The following GPR137 variants were observed in gnomAD, a reference collection of about 807,000 sequenced individuals.
The protein encoded by GPR137 is G protein-coupled receptor 137.
In GPR137, 20 loss-of-function variants were observed where a neutral mutation model predicts 38.9. That is an observed-to-expected ratio of 0.51 (90% confidence interval 0.36 to 0.75). GPR137 has a LOEUF of 0.75. Ranked by LOEUF, GPR137 falls within the 30% of genes least tolerant of loss-of-function variation. GPR137 has a pLI of 0.00. For missense variants in GPR137, 456 were observed against 526.4 expected (o/e 0.87, Z 1.31); for synonymous variants, 226 against 235.8 (o/e 0.96, Z 0.38).
At chr11:64,282,482 C>T (rs935462680), upstream of GPR137, among the ~76,000 whole-genome samples, 7 of 152,154 alleles carry the variant, frequency 4.6e-5, no homozygotes, top group African/African-American at 1.7e-4. Flanking sequence ...CACCTGTGGT[C>T]CCAGCTGTTC....
At chr11:64,279,046 C>T (rs867194091) in intron 2 of GPR137, among the ~76,000 whole-genome samples, 1 of 152,174 alleles carries the variant, frequency 6.6e-6, no homozygotes, top group East Asian at 1.9e-4. Flanking sequence ...GGGGAGGTGT[C>T]GTCCCTGGCC....
At chr11:64,282,519 G>C (rs2033545625), upstream of GPR137, among the ~76,000 whole-genome samples, 1 of 152,060 alleles carries the variant, frequency 6.6e-6, no homozygotes, top group South Asian at 2.1e-4. Context: ...AGGATCGTTT[G>C]AGCCCAGGAG....
At position 64,288,047 on chromosome 11, in the gene GPR137, T is replaced by G; in HGVS notation, c.634-18T>G. 1 of 1,608,416 alleles carries G rather than the reference T, an allele frequency of 6.2e-7. No homozygotes were observed. The highest frequency in any genetic ancestry group is 8.5e-7 in the Non-Finnish European group (1 of 1,179,944). On this transcript the variant is annotated intron_variant, in intron 3 of 6. Transcript: ENST00000438980. This position sits in a 1 kb window ranked among gnomAD's most constrained non-coding sequence, Gnocchi z 5.5. The stretch of plus-strand genomic sequence containing the variant: ...GAGCCTTCTCTCCCTGAGGGTCCTC[T>G]GTTGTTACCTGTGCCAGGGGACCAG...
At position 64,286,562 on chromosome 11, in the gene GPR137, G is replaced by C. The variant is rs1460269993; in HGVS notation, c.38G>C (p.Gly13Ala). The part of the protein sequence containing the change: ...SNLSGLVPAA[G>A]LVPALPPAVT... ...CTGTCTGGCCTGGTGCCTGCTGCCG[G>C]GCTGGTGCCTGCGCTGCCACCTGCT... The change falls in exon 1 of 7, where the codon GGG becomes GCG. Residue 13 changes from glycine (G) to alanine (A), a missense_variant. Coordinates refer to ENST00000438980, the MANE Select transcript of GPR137 (RefSeq NM_001170880.2). 6.2e-7 allele frequency: 1 copy of C among 1,613,198 alleles called. No homozygotes were observed. The highest frequency in any genetic ancestry group is 1.7e-5 in the Admixed American group (1 of 59,972).
chr11:64,288,277 G>A lies in GPR137; in HGVS notation c.783+63G>A, dbSNP rs2034364234. 6.2e-7 allele frequency: 1 copy of A among 1,611,082 alleles called. No individual in the cohort carries two copies. Among genetic ancestry groups the A allele is most frequent in the Non-Finnish European group, 8.5e-7 (1 of 1,178,724 alleles). On this transcript the variant is annotated intron_variant, in intron 4 of 6. Coordinates refer to ENST00000438980, the MANE Select transcript of GPR137 (RefSeq NM_001170880.2). This position sits in a 1 kb window ranked among gnomAD's most constrained non-coding sequence, Gnocchi z 5.5. ...TGGCACCTTGGCCCCAGCTGGCCTG[G>A]GCCCTGTCCCACTACCCCTTTGGCG...
chr11:64,281,711 T>G (rs1183840714), upstream of GPR137, among the ~76,000 whole-genome samples: 2 of 152,188 alleles, frequency 1.3e-5, no homozygotes, highest in African/African-American at 4.8e-5. Context: ...CCCGCCCCTG[T>G]GACTCCGGAT....
At chr11:64,279,762 CAAAA>C (rs35718358), upstream of GPR137, among the ~76,000 whole-genome samples, 9 of 103,712 alleles carry the variant, frequency 8.7e-5, no homozygotes, top group South Asian at 3.3e-4. Context: ...GACTCTATCT[CAAAA>C]AAAAAAAAAA....
rs571034209 is a variant in GPR137 at position 64,288,190 on chromosome 11, C to T, written c.759C>T (p.Tyr253=). The T allele has an allele frequency of 2.1e-5, 34 of 1,613,156 alleles. No homozygotes were observed. The highest frequency in any genetic ancestry group is 1.0e-4 in the Admixed American group (6 of 60,018). ...AGAGCCGGCTGGACACCTTCGATTA[C>T]GACTGGTACAATGTGTCTGACCAGG... The part of the protein sequence containing the change: ...APQSRLDTFD[Y]DWYNVSDQAD... The change falls in exon 4 of 7, where the codon TAC becomes TAT. Residue 253 remains tyrosine (Y), a synonymous_variant. Coordinates refer to ENST00000438980, the MANE Select transcript of GPR137 (RefSeq NM_001170880.2). This position sits in a 1 kb window ranked among gnomAD's most constrained non-coding sequence, Gnocchi z 5.5.
chr11:64,273,227 G>A (rs1021409621), upstream of GPR137, among the ~76,000 whole-genome samples: 2 of 152,114 alleles, frequency 1.3e-5, no homozygotes, highest in East Asian at 1.9e-4. Context: ...ACAAAAATTA[G>A]TTAGGTGTGG....
intron 2 of GPR137, among the ~76,000 whole-genome samples, chr11:64,278,358 A>G (rs2033205886): frequency 6.7e-6 from 1 of 149,600 alleles, no homozygotes; most frequent in South Asian, 2.1e-4. Context: ...GTGAGGCTCC[A>G]TCTTGGAAAA....
chr11:64,270,759 C>T (rs539366669), upstream of GPR137: 6 of 454,358 alleles, frequency 1.3e-5, no homozygotes, highest in Admixed American at 7.3e-5. Flanking sequence ...CGCACCACTG[C>T]ACTCCAGCCT....
chr11:64,287,186 C>G (rs1015636651), intron 2 of GPR137, 172 bp downstream of exon 2: 1 of 985,230 alleles, frequency 1.0e-6, no homozygotes, highest in Non-Finnish European at 1.2e-6. Flanking sequence ...AGAGGCCTTG[C>G]AGATCTGCAA....
rs1422824501 is a variant in GPR137, at chr11:64,286,760, T to A, written c.236T>A (p.Phe79Tyr). The A allele has an allele frequency of 6.2e-7, 1 of 1,612,274 alleles. No individual in the cohort carries two copies. Among genetic ancestry groups the A allele is most frequent in the East Asian group, 2.2e-5 (1 of 44,808 alleles). The change falls in exon 1 of 7, where the codon TTC becomes TAC. Residue 79 changes from phenylalanine (F) to tyrosine (Y), a missense_variant. Transcript: ENST00000438980. ...WAALRTTLFSFYFRDTPRANR... is the reference protein window; with the variant it reads ...WAALRTTLFSYYFRDTPRANR... ...GCCTTGCGTACCACCCTCTTCTCCT[T>A]CTACTTCCGAGATACTCCCCGCGCC...
upstream of GPR137, among the ~76,000 whole-genome samples, chr11:64,280,630 C>T (rs2033405264): frequency 5.3e-5 from 8 of 150,250 alleles, no homozygotes; most frequent in Middle Eastern, 7.1e-3. Context: ...GGATTACAGG[C>T]GTGAGCCACC....
upstream of GPR137, among the ~76,000 whole-genome samples, chr11:64,280,513 G>T (rs1466979532): frequency 1.2e-4 from 17 of 141,562 alleles, no homozygotes; most frequent in South Asian, 2.3e-4. Flanking sequence ...CACCACGCCC[G>T]GCTAATTTTT....
chr11:64,287,875 C>A lies in GPR137; in HGVS notation c.562C>A (p.Leu188Met). The change falls in exon 3 of 7, where the codon CTG becomes ATG. Residue 188 changes from leucine to methionine, a missense_variant. Transcript: ENST00000438980. ...VSDSLFVICA[L>M]SLAACLCLVA... ...CGACTCCCTGTTCGTCATCTGCGCG[C>A]TGTCTCTTGCTGCCTGCCTCTGCCT... 6.2e-7 allele frequency: 1 copy of A among 1,603,984 alleles called. No homozygotes were observed.
upstream of GPR137, among the ~76,000 whole-genome samples, chr11:64,270,900 GACACACACAC>G (rs71045754): frequency 2.8e-3 from 248 of 87,650 alleles, 5 homozygotes; most frequent in African/African-American, 0.01. Context: ...TGCCCTGTGA[GACACACACAC>G]ACACACACAC....
upstream of GPR137, chr11:64,275,665 A>T (rs538867700): frequency 1.3e-5 from 2 of 152,150 alleles, no homozygotes; most frequent in South Asian, 4.2e-4. Flanking sequence ...TAGCCACCTA[A>T]ATACGCAGGA....
chr11:64,284,152 C>G, upstream of GPR137: 1 of 1,541,526 alleles, frequency 6.5e-7, no homozygotes. Flanking sequence ...GGTGAGGTGT[C>G]CCGGCAGGTG....
Sources: gnomAD v4.1 joint callset for allele counts (sites outside exome capture counted in the v4.1 genomes callset) on GRCh38, gnomAD v4.1.1 for gene constraint, Gnocchi (gnomAD v3.1) non-coding constraint, MANE v1.5 for transcripts, NCBI Gene and HGNC (gene_info 2026-07-23, HGNC 2026-07-21) for gene names.